Variants in IFT80 observed in about 807,000 individuals in gnomAD.
IFT80 encodes the protein intraflagellar transport protein 80 homolog.
In IFT80, 79 loss-of-function variants were observed where a neutral mutation model predicts 107.9. The ratio of observed to expected loss-of-function variants is 0.73; its 90% confidence interval spans 0.61 to 0.88. The LOEUF (loss-of-function observed/expected upper bound fraction) is 0.88, where lower values mean the gene tolerates loss of function less well. Among genes scored for constraint, IFT80 ranks in the 40% least tolerant of loss-of-function variants. The probability of loss-of-function intolerance (pLI) is 0.00; values close to 1 mark genes in which losing one functional copy is unlikely to be tolerated. For synonymous variants in IFT80, 299 were observed against 300.9 expected, an observed-to-expected ratio of 0.99 and a Z score of 0.07; for missense variants, 797 against 914.2, an observed-to-expected ratio of 0.87 and a Z score of 1.65.
chr3:160,370,090 T>A (rs1722129074), intron 5 of IFT80, among the ~76,000 whole-genome samples: 1 of 152,172 alleles, frequency 6.6e-6, no homozygotes, highest in East Asian at 1.9e-4. Flanking sequence ...AGGAAGTACA[T>A]GGTCAAATAT....
In IFT80 at chr3:160,336,131, T is replaced by C. The variant is rs138799569; in HGVS notation, c.778-16192A>G. The stretch of plus-strand genomic sequence containing the variant: ...GTTGCTATGAGCATTTATGTGAACA[T>C]ACGTTTTCATTTCTCTTGGGTATAT... On this transcript the variant is annotated intron_variant, in intron 8 of 19. Coordinates refer to ENST00000326448, the MANE Select transcript of IFT80 (RefSeq NM_020800.3). Among the ~76,000 whole-genome samples, 1,068 of 152,344 alleles carry C rather than the reference T, an allele frequency of 7.0e-3. 6 individuals are homozygous for C. Among genetic ancestry groups the C allele is most frequent in the Non-Finnish European group, 0.011 (774 of 68,030 alleles).
intron 14 of IFT80, among the ~76,000 whole-genome samples, chr3:160,281,890 C>A (rs1714718010): frequency 6.6e-6 from 1 of 152,206 alleles, no homozygotes; most frequent in African/African-American, 2.4e-5. Flanking sequence ...AAGTATAAAA[C>A]CCCAAGTCAA....
chr3:160,336,592 T>C (rs1719481314), intron 8 of IFT80, among the ~76,000 whole-genome samples: 1 of 145,114 alleles, frequency 6.9e-6, no homozygotes, highest in South Asian at 2.1e-4. Context: ...CATGTGTGTA[T>C]GTGTGTGTGT....
intron 8 of IFT80, among the ~76,000 whole-genome samples, chr3:160,341,221 A>T (rs1395105105): frequency 6.6e-6 from 1 of 152,084 alleles, no homozygotes; most frequent in East Asian, 1.9e-4. Context: ...CATGTTGCCC[A>T]GGCTGGTCTT....
intron 1 of IFT80, among the ~76,000 whole-genome samples, chr3:160,386,329 T>C (rs1040565426): frequency 2.6e-5 from 4 of 152,120 alleles, no homozygotes; most frequent in African/African-American, 9.7e-5. Context: ...CATAGCCAAT[T>C]TGGGGAAGTG....
At chr3:160,349,317 C>A (rs1301693322) in intron 8 of IFT80, among the ~76,000 whole-genome samples, 1 of 151,998 alleles carries the variant, frequency 6.6e-6, no homozygotes, top group African/African-American at 2.4e-5. Context: ...GGTACTGTGG[C>A]AGGTGCCTGT....
chr3:160,317,096 A>C (rs1717878250), intron 9 of IFT80, among the ~76,000 whole-genome samples: 1 of 152,106 alleles, frequency 6.6e-6, no homozygotes, highest in South Asian at 2.1e-4. Context: ...GGGGGTCCAT[A>C]AAAACAAGGA....
At chr3:160,341,293 C>A (rs1290181486) in intron 8 of IFT80, among the ~76,000 whole-genome samples, 2 of 150,942 alleles carry the variant, frequency 1.3e-5, no homozygotes, top group Admixed American at 6.6e-5. Flanking sequence ...ACTTTTTAAA[C>A]GTAGTTTGCG....
At position 160,389,087 on chromosome 3, in the gene IFT80, A is replaced by G. The variant is rs565078574; in HGVS notation, c.-46-4441T>C. ...TTAATTTATGGTAATTTGTTACAGC[A>G]ATAATATGAAATTAATACATGGGCC... On this transcript the variant is annotated intron_variant, in intron 1 of 19. Transcript: ENST00000326448. Among the ~76,000 whole-genome samples the G allele has an allele frequency of 1.2e-4, 18 of 152,308 alleles. No homozygotes were observed. In the South Asian group the frequency reaches 3.5e-3, roughly 30 times the overall value.
chr3:160,341,517 C>T (rs921565610), intron 8 of IFT80, among the ~76,000 whole-genome samples: 2 of 152,066 alleles, frequency 1.3e-5, no homozygotes, highest in Non-Finnish European at 2.9e-5. Context: ...GGTGCACCTA[C>T]CCCAACCTGC....
In IFT80 at chr3:160,357,484, T is replaced by C. The variant is rs527856744; in HGVS notation, c.639+5A>G. ...AGCCAAGTGATAAATCTAAACATTATATACCTTATATTTACAGTCTTCACC... is the reference window on the plus strand; with the variant it reads ...AGCCAAGTGATAAATCTAAACATTACATACCTTATATTTACAGTCTTCACC... On this transcript the variant is annotated splice_donor_5th_base_variant and intron_variant, in intron 7 of 19. Coordinates refer to ENST00000326448, the MANE Select transcript of IFT80 (RefSeq NM_020800.3). 266 of 1,392,674 alleles carry C rather than the reference T, an allele frequency of 1.9e-4. 6 individuals are homozygous for C. The South Asian group carries it at 2.9e-3, about 15-fold the overall frequency. 86.3% of individuals were successfully genotyped at this position (1,392,674 alleles called of 1,614,324 possible).
intron 8 of IFT80, among the ~76,000 whole-genome samples, chr3:160,333,409 T>C (rs1719224509): frequency 6.6e-6 from 1 of 152,234 alleles, no homozygotes; most frequent in Admixed American, 6.5e-5. Flanking sequence ...TATAAACCTC[T>C]TAATTTTTTA....
chr3:160,271,187 T>C (rs1052569103), intron 18 of IFT80, among the ~76,000 whole-genome samples: 2 of 152,134 alleles, frequency 1.3e-5, no homozygotes, highest in Non-Finnish European at 2.9e-5. Flanking sequence ...GGTAAAAAAA[T>C]GTTTCTTCTC....
At chr3:160,389,241 C>A (rs1474419585) in intron 1 of IFT80, among the ~76,000 whole-genome samples, 3 of 152,008 alleles carry the variant, frequency 2.0e-5, no homozygotes, top group Non-Finnish European at 4.4e-5. Flanking sequence ...TACCCTTTTT[C>A]TAAATAGATC....
At chr3:160,296,993 T>C (rs1716031794) in intron 12 of IFT80, among the ~76,000 whole-genome samples, 1 of 152,218 alleles carries the variant, frequency 6.6e-6, no homozygotes, top group South Asian at 2.1e-4. Context: ...TTACTATAAA[T>C]ACTTTCCCCT....
chr3:160,372,027 C>T (rs999195883), intron 5 of IFT80, among the ~76,000 whole-genome samples: 53 of 152,192 alleles, frequency 3.5e-4, no homozygotes, highest in African/African-American at 1.3e-3. Context: ...AGTCAAATCC[C>T]CCCACCCAAA....
At chr3:160,350,431 A>G (rs1720599058) in intron 8 of IFT80, among the ~76,000 whole-genome samples, 1 of 138,524 alleles carries the variant, frequency 7.2e-6, no homozygotes, top group Non-Finnish European at 1.6e-5. Flanking sequence ...AAAAAAAAAA[A>G]GGATATGCAG....
intron 11 of IFT80, among the ~76,000 whole-genome samples, chr3:160,301,761 T>G (rs1716444614): frequency 6.6e-6 from 1 of 151,956 alleles, no homozygotes; most frequent in Admixed American, 6.6e-5. Context: ...CTTTGAAAAT[T>G]TATGAATATT....
chr3:160,381,820 T>G, intron 2 of IFT80, 96 bp from the exon 3 acceptor site: 3 of 938,936 alleles, frequency 3.2e-6, no homozygotes, highest in Non-Finnish European at 5.2e-6. Flanking sequence ...TAAAATAGGG[T>G]CAAATGGTTT....
Sources: gnomAD v4.1 joint callset for allele counts (sites outside exome capture counted in the v4.1 genomes callset) on GRCh38, gnomAD v4.1.1 for gene constraint, MANE v1.5 for transcripts, NCBI Gene and HGNC (gene_info 2026-07-23, HGNC 2026-07-21) for gene names.